Variants in BRWD1 observed in about 807,000 individuals in gnomAD.
BRWD1 encodes the protein bromodomain and WD repeat-containing protein 1.
BRWD1 carries 82 observed loss-of-function variants against 251.2 expected under a neutral mutation model. The observed-to-expected ratio is 0.33, with a 90% CI of 0.27 to 0.39. BRWD1 has a LOEUF of 0.39. Ranked by LOEUF, BRWD1 falls within the 10% of genes least tolerant of loss-of-function variation. The pLI, the probability that BRWD1 is intolerant of heterozygous loss-of-function variation, is 1.00. For synonymous variants in BRWD1, 918 were observed against 902.8 expected (o/e 1.02, Z -0.30); for missense variants, 2,233 against 2,711.6 (o/e 0.82, Z 3.92).
chr21:39,274,038 T>G (rs1365292630), intron 13 of BRWD1, among the ~76,000 whole-genome samples: 1 of 152,218 alleles, frequency 6.6e-6, no homozygotes, highest in African/African-American at 2.4e-5. Flanking sequence ...CAGAAAAGTA[T>G]AATTTCCACT....
At chr21:39,201,788 A>G (rs1264577761) in intron 38 of BRWD1, among the ~76,000 whole-genome samples, 1 of 152,242 alleles carries the variant, frequency 6.6e-6, no homozygotes, top group African/African-American at 2.4e-5. Flanking sequence ...TGTCAATACT[A>G]TTTATTGAAA....
In BRWD1 at chr21:39,199,412, A is replaced by G; in HGVS notation, c.5004T>C (p.Ala1668=). The G allele has an allele frequency of 6.2e-7, 1 of 1,614,254 alleles. No homozygotes were observed. The highest frequency in any genetic ancestry group is 8.5e-7 in the Non-Finnish European group (1 of 1,180,044). The part of the protein sequence containing the change: ...GRKLPHRNAS[A]VARKKLLHNS... ...TATGTAATAACTTTTTTCTAGCTAC[A>G]GCAGAAGCATTGCGGTGAGGCAGCT... The change falls in exon 40 of 41, where the codon GCT becomes GCC. Residue 1668 remains alanine (A), a synonymous_variant. Coordinates refer to ENST00000342449, the MANE Select transcript of BRWD1 (RefSeq NM_033656.4).
rs2031370983 is a variant in BRWD1, at chr21:39,188,481, G to A, written c.*7778C>T. The A allele has an allele frequency of 1.0e-6, 1 of 985,350 alleles. No homozygotes were observed. Among genetic ancestry groups the A allele is most frequent in the South Asian group, 4.7e-5 (1 of 21,280 alleles). The allele number at this position is 985,350 out of a possible 1,614,324, so 61.0% of individuals were successfully genotyped here. A position where few individuals can be genotyped will look rare whatever the true frequency, so the allele number is the denominator to read the frequency against. On this transcript the variant is annotated 3_prime_UTR_variant, in exon 41 of 41. Transcript: ENST00000342449. Reference sequence around the variant, plus strand: ...AGCTCTTTTAGTCAGATACTATCAAGTAACACTATTATTCTGTAGCAATGA... The same window carrying A: ...AGCTCTTTTAGTCAGATACTATCAAATAACACTATTATTCTGTAGCAATGA...
chr21:39,219,840 A>C (rs913177510), intron 29 of BRWD1: 2 of 152,236 alleles, frequency 1.3e-5, no homozygotes, highest in Non-Finnish European at 2.9e-5. Flanking sequence ...TCTTGCAAAA[A>C]GAAAAAGGAT....
chr21:39,264,774 A>G, intron 16 of BRWD1, 89 bp from the exon 17 acceptor site: 1 of 1,508,274 alleles, frequency 6.6e-7, no homozygotes, highest in Non-Finnish European at 9.0e-7. Context: ...AACTAGAAAA[A>G]CAAGGAAATC....
intron 19 of BRWD1, among the ~76,000 whole-genome samples, 168 bp from the exon 20 acceptor site, chr21:39,251,057 A>G (rs2034377587): frequency 6.6e-6 from 1 of 152,232 alleles, no homozygotes; most frequent in Non-Finnish European, 1.5e-5. Flanking sequence ...ATATAAATAA[A>G]ATCTCAGAGG....
intron 21 of BRWD1, among the ~76,000 whole-genome samples, chr21:39,238,982 A>G (rs1601355050): frequency 6.6e-6 from 1 of 152,250 alleles, no homozygotes; most frequent in African/African-American, 2.4e-5. Context: ...TCATCTGTTT[A>G]TCTTCTTTGG....
At chr21:39,264,769 G>C in intron 16 of BRWD1, 84 bp from the exon 17 acceptor site, 1 of 1,498,088 alleles carries the variant, frequency 6.7e-7, no homozygotes, top group Non-Finnish European at 9.1e-7. Flanking sequence ...ATTAAAACTA[G>C]AAAAACAAGG....
chr21:39,290,272 G>A (rs770604252), intron 8 of BRWD1, among the ~76,000 whole-genome samples: 5 of 151,726 alleles, frequency 3.3e-5, no homozygotes, highest in Admixed American at 6.6e-5. Flanking sequence ...GGTGGATCAC[G>A]AGGTCAGGAG....
intron 4 of BRWD1, among the ~76,000 whole-genome samples, chr21:39,304,785 A>G (rs935194904): frequency 2.6e-5 from 4 of 152,170 alleles, no homozygotes; most frequent in African/African-American, 7.2e-5. Flanking sequence ...TGGTGTGGCT[A>G]TATTAATGTA....
Position 39,201,304 on chromosome 21 carries a change from C to G in BRWD1, c.4586-918G>C, listed in dbSNP as rs143167857. ...CAGCTACTCCTGTCAACTCTACCAT[C>G]CATCACCTTGACTCCCTGTTTTTCC... On this transcript the variant is annotated intron_variant, in intron 38 of 40. Transcript: ENST00000342449. Among the ~76,000 whole-genome samples the G allele has an allele frequency of 1.5e-3, 222 of 152,322 alleles. 1 individual carries two copies. Among genetic ancestry groups the G allele is most frequent in the African/African-American group, 5.2e-3 (218 of 41,562 alleles).
At position 39,313,507 on chromosome 21, in the gene BRWD1, G is replaced by A. The variant is rs2036592562; in HGVS notation, c.-16C>T. 2.3e-6 allele frequency: 3 copies of A among 1,331,544 alleles called. No individual in the cohort carries two copies. Among genetic ancestry groups the A allele is most frequent in the Non-Finnish European group, 2.9e-6 (3 of 1,047,596 alleles). The allele number at this position is 1,331,544 out of a possible 1,614,324, so 82.5% of individuals were successfully genotyped here. A position where few individuals can be genotyped will look rare whatever the true frequency, so the allele number is the denominator to read the frequency against. On this transcript the variant is annotated 5_prime_UTR_variant, in exon 1 of 41. Transcript: ENST00000342449. ...GCTCCGCCATGGCCGGGCGCGGGGC[G>A]GGAGGCGGGAGCGAGCGAGCGAGCG...
intron 13 of BRWD1, 42 bp from the exon 14 acceptor site, chr21:39,270,475 T>C (rs368106867): frequency 6.8e-5 from 102 of 1,503,374 alleles, no homozygotes; most frequent in Non-Finnish European, 9.1e-5. Context: ...TTTAGATGGC[T>C]GGCTATACAA....
At chr21:39,215,866 GGTGCGCACCTGTAGCCCCAGCTATTCAA>G (rs2032867462) in intron 31 of BRWD1, among the ~76,000 whole-genome samples, 1 of 152,104 alleles carries the variant, frequency 6.6e-6, no homozygotes. Flanking sequence ...CAGGCGTACT[GGTGCGCACCTGTAGCCCCAGCTATTCAA>G]GAGGCTGAGG....
chr21:39,307,874 G>A (rs971749838), intron 4 of BRWD1, among the ~76,000 whole-genome samples: 1 of 152,076 alleles, frequency 6.6e-6, no homozygotes, highest in Admixed American at 6.6e-5. Flanking sequence ...ATTCTGTATT[G>A]TCCTTGACTA....
At position 39,200,207 on chromosome 21, in the gene BRWD1, T is replaced by C. The variant is rs949601419; in HGVS notation, c.4753+12A>G. ...GATATACATTCCATAAAAGTACTAC[T>C]GAGTCTCTTACCAGTTTTTCTTTGA... On this transcript the variant is annotated intron_variant, in intron 39 of 40. Coordinates refer to ENST00000342449, the MANE Select transcript of BRWD1 (RefSeq NM_033656.4). 1.3e-6 allele frequency: 2 copies of C among 1,594,338 alleles called. No homozygotes were observed. Among genetic ancestry groups the C allele is most frequent in the Non-Finnish European group, 1.7e-6 (2 of 1,174,000 alleles).
At chr21:39,295,686 T>C (rs2146754667) in intron 7 of BRWD1, 57 bp downstream of exon 7, 1 of 1,317,110 alleles carries the variant, frequency 7.6e-7, no homozygotes, top group Non-Finnish European at 1.0e-6. Context: ...TAGATGATTC[T>C]GAAGCACACT....
At chr21:39,200,085 C>T in intron 39 of BRWD1, 134 bp downstream of exon 39, 1 of 893,408 alleles carries the variant, frequency 1.1e-6, no homozygotes, top group Non-Finnish European at 1.6e-6. Context: ...AAATTCATTT[C>T]CTTCCTAAAT....
intron 22 of BRWD1, among the ~76,000 whole-genome samples, chr21:39,237,589 C>T (rs1301979995): frequency 6.6e-6 from 1 of 151,940 alleles, no homozygotes; most frequent in Non-Finnish European, 1.5e-5. Flanking sequence ...AAATAAAATT[C>T]AAGAAAAGTT....
Sources: gnomAD v4.1 joint callset for allele counts (sites outside exome capture counted in the v4.1 genomes callset) on GRCh38, gnomAD v4.1.1 for gene constraint, MANE v1.5 for transcripts, NCBI Gene and HGNC (gene_info 2026-07-23, HGNC 2026-07-21) for gene names.